The following SYN3 variants were observed in gnomAD, a reference collection of about 807,000 sequenced individuals.
The protein encoded by SYN3 is synapsin-3.
Under a neutral mutation model 65.8 loss-of-function variants are expected in SYN3, and 35 were observed. The ratio of observed to expected loss-of-function variants is 0.53; its 90% CI spans 0.41 to 0.70. SYN3 has a LOEUF of 0.70. Ranked by LOEUF, SYN3 falls within the 30% of genes least tolerant of loss-of-function variation. The probability of loss-of-function intolerance (pLI) is 0.00; values close to 1 mark genes in which losing one functional copy is unlikely to be tolerated. For synonymous variants in SYN3, 270 were observed against 292.9 expected (o/e 0.92, Z 0.80); for missense variants, 680 against 749.0 (o/e 0.91, Z 1.08).
intron 7 of SYN3, among the ~76,000 whole-genome samples, chr22:32,548,838 G>T (rs1490564403): frequency 6.6e-6 from 1 of 152,182 alleles, no homozygotes; most frequent in Non-Finnish European, 1.5e-5. Context: ...TGGTATGCAC[G>T]CAAGGCTGTT....
At chr22:32,929,960 C>T (rs763630652) in intron 4 of SYN3, among the ~76,000 whole-genome samples, 2 of 152,050 alleles carry the variant, frequency 1.3e-5, no homozygotes, top group Non-Finnish European at 2.9e-5. Context: ...TCTTAGAAGG[C>T]CTTTAAAGAC....
At chr22:32,718,208 C>A (rs566940797) in intron 6 of SYN3, among the ~76,000 whole-genome samples, 1 of 152,128 alleles carries the variant, frequency 6.6e-6, no homozygotes, top group Non-Finnish European at 1.5e-5. Flanking sequence ...GGGGAGCTTA[C>A]GGCCTTGCTT....
At chr22:32,602,597 G>A (rs1415764454) in intron 6 of SYN3, among the ~76,000 whole-genome samples, 2 of 152,232 alleles carry the variant, frequency 1.3e-5, no homozygotes, top group East Asian at 1.9e-4. Flanking sequence ...GAGTAGCTGG[G>A]ATTACAGGCA....
chr22:32,672,502 T>C (rs1343586243), intron 6 of SYN3, among the ~76,000 whole-genome samples: 1 of 152,184 alleles, frequency 6.6e-6, no homozygotes, highest in Non-Finnish European at 1.5e-5. Context: ...GTCAGGCGTC[T>C]TCTCCCCTAG....
At chr22:32,569,232 T>TTCTA (rs71184592) in intron 7 of SYN3, among the ~76,000 whole-genome samples, 46,545 of 149,150 alleles carry the variant, frequency 0.31, 7,659 homozygotes, top group East Asian at 0.52. Context: ...AATTCTTTCT[T>TTCTA]TCTATCTATC....
chr22:32,766,922 G>A (rs926768778), intron 6 of SYN3, among the ~76,000 whole-genome samples: 2 of 152,164 alleles, frequency 1.3e-5, no homozygotes, highest in East Asian at 3.8e-4. Flanking sequence ...CAGGACTTAC[G>A]TGTGCAATTC....
At chr22:32,769,758 C>A (rs1366179771) in intron 6 of SYN3, among the ~76,000 whole-genome samples, 2 of 152,146 alleles carry the variant, frequency 1.3e-5, no homozygotes. Flanking sequence ...CTCAGATGAT[C>A]CGCCTGTCTC....
At chr22:32,873,151 A>G (rs1390755450) in intron 4 of SYN3, among the ~76,000 whole-genome samples, 1 of 152,074 alleles carries the variant, frequency 6.6e-6, no homozygotes, top group East Asian at 1.9e-4. Context: ...AGGTTTTGCC[A>G]TTTTGGACAG....
chr22:32,824,799 G>C (rs2047353671), intron 6 of SYN3, among the ~76,000 whole-genome samples: 1 of 152,146 alleles, frequency 6.6e-6, no homozygotes, highest in Non-Finnish European at 1.5e-5. Flanking sequence ...ACTGAGTAAA[G>C]ACATGGCAGT....
chr22:33,034,736 G>A (rs770555250), intron 1 of SYN3, among the ~76,000 whole-genome samples: 3 of 152,090 alleles, frequency 2.0e-5, no homozygotes, highest in Non-Finnish European at 2.9e-5. Flanking sequence ...CCCATTTTAC[G>A]CATGAGGAAA....
intron 6 of SYN3, among the ~76,000 whole-genome samples, chr22:32,638,998 G>A (rs1025556457): frequency 1.3e-5 from 2 of 152,104 alleles, no homozygotes; most frequent in African/African-American, 4.8e-5. Context: ...CTGTGGCCCA[G>A]GCTGGAGTGC....
At chr22:32,942,032 C>G (rs929958700) in intron 3 of SYN3, among the ~76,000 whole-genome samples, 1 of 152,304 alleles carries the variant, frequency 6.6e-6, no homozygotes, top group East Asian at 1.9e-4. Context: ...AGGGCATAGC[C>G]GAACAAAAGG....
In SYN3 at chr22:32,647,781, G is replaced by T. The variant is rs1363823760; in HGVS notation, c.712-51045C>A. 6.6e-5 allele frequency among the ~76,000 whole-genome samples: 10 copies of T among 152,184 alleles called. No individual in the cohort carries two copies. In the East Asian group the frequency reaches 1.9e-3, roughly 29 times the overall value. Reference sequence around the variant, plus strand: ...GCGCCACCATATCTGGCTAATTTTTGTATTCTTAGTAGAGACAGGGTTCCA... The same window carrying T: ...GCGCCACCATATCTGGCTAATTTTTTTATTCTTAGTAGAGACAGGGTTCCA... On this transcript the variant is annotated intron_variant, in intron 6 of 13. Transcript: ENST00000358763.
At position 32,938,874 on chromosome 22, in the gene SYN3, G is replaced by A. The variant is rs1034130213; in HGVS notation, c.370-7393C>T. Among the ~76,000 whole-genome samples, 3 of 147,296 alleles carry A rather than the reference G, an allele frequency of 2.0e-5. No homozygotes were observed. The Admixed American group carries it at 2.1e-4, about 10-fold the overall frequency. ...ACATGGGATGCGGAGGTTGCAATGA[G>A]CAGAGACTGCACCACTGCACTTCGG... On this transcript the variant is annotated intron_variant, in intron 3 of 13. Coordinates refer to ENST00000358763, the MANE Select transcript of SYN3 (RefSeq NM_003490.4).
In SYN3 at chr22:33,047,863, CAAAAAA is replaced by C. The variant is rs58025351; in HGVS notation, c.-163+10423_-163+10428del. Among the ~76,000 whole-genome samples, 11 of 53,554 alleles carry C rather than the reference CAAAAAA, an allele frequency of 2.1e-4. No homozygotes were observed. In the South Asian group the frequency reaches 6.1e-3, roughly 29 times the overall value. The allele number at this position is 53,554 out of a possible 152,430, so 35.1% of individuals were successfully genotyped here. ...GACCTATTAGTCCCATTTTCATGTG[CAAAAAA>C]AAAAAAAAAAAAAAAAGGAACCAAC... On this transcript the variant is annotated intron_variant, in intron 1 of 13. Coordinates refer to ENST00000358763, the MANE Select transcript of SYN3 (RefSeq NM_003490.4).
chr22:33,013,403 G>A (rs1006178391), intron 1 of SYN3, among the ~76,000 whole-genome samples: 5 of 152,088 alleles, frequency 3.3e-5, no homozygotes, highest in Admixed American at 3.3e-4. Context: ...GGTTAGAGAA[G>A]GCCTCTCTGA....
chr22:33,036,778 G>A (rs996031999), intron 1 of SYN3, among the ~76,000 whole-genome samples: 42 of 131,700 alleles, frequency 3.2e-4, no homozygotes, highest in Non-Finnish European at 5.5e-4. Context: ...CACAACCTCC[G>A]CCTCCCAGGT....
At chr22:32,518,477 C>A in intron 12 of SYN3, 143 bp from the exon 13 acceptor site, 1 of 962,142 alleles carries the variant, frequency 1.0e-6, no homozygotes, top group Middle Eastern at 2.1e-4. Flanking sequence ...AAATACCTAA[C>A]CATAAGGAAG....
In SYN3 at chr22:32,539,493, T is replaced by C. The variant is rs574139014; in HGVS notation, c.918-1383A>G. Among the ~76,000 whole-genome samples, 45 of 130,774 alleles carry C rather than the reference T, an allele frequency of 3.4e-4. No homozygotes were observed. In the South Asian group the frequency reaches 0.012, roughly 35 times the overall value. The allele number at this position is 130,774 out of a possible 152,430, so 85.8% of individuals were successfully genotyped here. On this transcript the variant is annotated intron_variant, in intron 8 of 13. Coordinates refer to ENST00000358763, the MANE Select transcript of SYN3 (RefSeq NM_003490.4). ...GGATGGGAACATATAGAAAAAATTA[T>C]GGATATATGTGTATACACGGGTAAG... is the stretch of plus-strand genomic sequence containing the variant.
Sources: gnomAD v4.1 joint callset for allele counts (sites outside exome capture counted in the v4.1 genomes callset) on GRCh38, gnomAD v4.1.1 for gene constraint, MANE v1.5 for transcripts, NCBI Gene and HGNC (gene_info 2026-07-23, HGNC 2026-07-21) for gene names.